The following KAZN variants were observed in gnomAD, a reference collection of about 807,000 sequenced individuals.
The protein encoded by KAZN is kazrin, periplakin interacting protein, also known as kazrin.
A neutral mutation model predicts 87.4 loss-of-function variants in KAZN; 40 were observed. The ratio of observed to expected loss-of-function variants is 0.46; its 90% CI spans 0.36 to 0.60. The LOEUF is 0.60. KAZN is among the 20% of genes least tolerant of loss of function. KAZN has a pLI of 0.00. For synonymous variants in KAZN, 466 were observed against 458.3 expected (o/e 1.02, Z -0.22); for missense variants, 898 against 1,073.9 (o/e 0.84, Z 2.29).
intron 1 of KAZN, among the ~76,000 whole-genome samples, chr1:14,931,212 G>A (rs568380900): frequency 9.7e-4 from 148 of 152,110 alleles, no homozygotes; most frequent in African/African-American, 3.4e-3. Context: ...CGAAGCAGGC[G>A]GAGCACTTGA....
At chr1:14,604,669 C>A (rs936024657) in intron 1 of KAZN, among the ~76,000 whole-genome samples, 1 of 152,212 alleles carries the variant, frequency 6.6e-6, no homozygotes, top group Non-Finnish European at 1.5e-5. Flanking sequence ...CAGGTGGCTG[C>A]TGTGTGGTAC....
intron 2 of KAZN, among the ~76,000 whole-genome samples, chr1:14,363,359 G>A (rs192506448): frequency 1.3e-5 from 2 of 152,090 alleles, no homozygotes; most frequent in Non-Finnish European, 1.5e-5. Flanking sequence ...CAGCCCAGAC[G>A]GAGTGTAGCT....
intron 1 of KAZN, among the ~76,000 whole-genome samples, chr1:14,756,057 C>G (rs1275033460): frequency 6.6e-6 from 1 of 152,166 alleles, no homozygotes; most frequent in Non-Finnish European, 1.5e-5. Flanking sequence ...TCTGCAGACA[C>G]GGTACTTCCT....
intron 1 of KAZN, among the ~76,000 whole-genome samples, chr1:14,043,167 A>G (rs1164414192): frequency 6.6e-6 from 1 of 152,194 alleles, no homozygotes; most frequent in Non-Finnish European, 1.5e-5. Context: ...ATCGTACTAT[A>G]TCTGTCCTTT....
At chr1:14,278,898 T>C (rs1206170577) in intron 2 of KAZN, among the ~76,000 whole-genome samples, 1 of 150,628 alleles carries the variant, frequency 6.6e-6, no homozygotes, top group Non-Finnish European at 1.5e-5. Flanking sequence ...TTGGTGATAG[T>C]TAGACCAAGA....
intron 2 of KAZN, among the ~76,000 whole-genome samples, chr1:14,468,737 A>G (rs1172457411): frequency 1.3e-5 from 2 of 152,140 alleles, no homozygotes; most frequent in Non-Finnish European, 2.9e-5. Context: ...CTGGAAAGTT[A>G]TTTCACCATC....
chr1:13,980,875 G>A (rs1437840132), intron 1 of KAZN, among the ~76,000 whole-genome samples: 2 of 151,574 alleles, frequency 1.3e-5, no homozygotes, highest in Admixed American at 6.6e-5. Flanking sequence ...GCATCTTTCT[G>A]TCTATGTTGT....
At chr1:15,072,343 T>G (rs1639542782) in intron 8 of KAZN, among the ~76,000 whole-genome samples, 1 of 152,246 alleles carries the variant, frequency 6.6e-6, no homozygotes, top group Non-Finnish European at 1.5e-5. Flanking sequence ...TTCCTCCATC[T>G]GCCAGGGTCT....
chr1:14,447,816 T>C (rs1667068245), intron 2 of KAZN, among the ~76,000 whole-genome samples: 1 of 152,098 alleles, frequency 6.6e-6, no homozygotes, highest in Non-Finnish European at 1.5e-5. Flanking sequence ...GTGGATTAGA[T>C]CAGCATTTTG....
chr1:15,026,334 CACAGCTTAACAGCT>C (rs1671157174), intron 2 of KAZN, among the ~76,000 whole-genome samples: 1 of 152,202 alleles, frequency 6.6e-6, no homozygotes, highest in Non-Finnish European at 1.5e-5. Flanking sequence ...GACGATCATG[CACAGCTTAACAGCT>C]GGGGATAGGG....
intron 2 of KAZN, among the ~76,000 whole-genome samples, chr1:14,339,404 CAG>C (rs1436913825): frequency 6.6e-6 from 1 of 152,130 alleles, no homozygotes; most frequent in East Asian, 1.9e-4. Context: ...GAGCATTAGT[CAG>C]AGTTCTCCAG....
At position 14,418,116 on chromosome 1, in the gene KAZN, G is replaced by A. The variant is rs537295933; in HGVS notation, c.250-180867G>A. On this transcript the variant is annotated intron_variant, in intron 2 of 16. Coordinates refer to the KAZN transcript ENST00000636203. Reference sequence around the variant, plus strand: ...GATGATCCATACAGAGTTACCAGTGGAACCACGGCATATCCTGTGGGTCCA... The same window carrying A: ...GATGATCCATACAGAGTTACCAGTGAAACCACGGCATATCCTGTGGGTCCA... Among the ~76,000 whole-genome samples, 6 of 145,204 alleles carry A rather than the reference G, an allele frequency of 4.1e-5. No homozygotes were observed. The South Asian group carries it at 1.2e-3, about 28-fold the overall frequency.
At chr1:14,114,520 G>A (rs1195162685) in intron 1 of KAZN, among the ~76,000 whole-genome samples, 1 of 151,770 alleles carries the variant, frequency 6.6e-6, no homozygotes, top group Non-Finnish European at 1.5e-5. Context: ...CACCGTCGAT[G>A]CCCCCCATAT....
At chr1:13,949,738 C>T (rs1641277826) in intron 1 of KAZN, among the ~76,000 whole-genome samples, 1 of 152,152 alleles carries the variant, frequency 6.6e-6, no homozygotes, top group South Asian at 2.1e-4. Context: ...GTTGTCTTTC[C>T]CAAGGCTGAG....
intron 1 of KAZN, among the ~76,000 whole-genome samples, chr1:14,178,448 C>A (rs1351814786): frequency 2.0e-5 from 3 of 152,186 alleles, no homozygotes; most frequent in Non-Finnish European, 4.4e-5. Context: ...CTTTTCTTCT[C>A]CATTGTCTAA....
rs114283248 is a variant in KAZN, at chr1:14,478,062, C to A, written c.250-120921C>A. Among the ~76,000 whole-genome samples, 786 of 152,316 alleles carry A rather than the reference C, an allele frequency of 5.2e-3. 10 individuals carry two copies. Among genetic ancestry groups the A allele is most frequent in the African/African-American group, 0.018 (746 of 41,580 alleles). On this transcript the variant is annotated intron_variant, in intron 2 of 16. Transcript: ENST00000636203. The stretch of plus-strand genomic sequence containing the variant: ...CAGTCTCACTCACCTCACTCCCACC[C>A]TCATTCTCACTGCCTTGAGCTCACA...
intron 2 of KAZN, among the ~76,000 whole-genome samples, chr1:14,210,168 A>G (rs971965409): frequency 1.3e-5 from 2 of 152,182 alleles, no homozygotes; most frequent in African/African-American, 4.8e-5. Context: ...GTGGGAGGTA[A>G]TTGAATCATA....
intron 2 of KAZN, among the ~76,000 whole-genome samples, chr1:14,415,798 C>T (rs1664706640): frequency 6.6e-6 from 1 of 152,104 alleles, no homozygotes; most frequent in Non-Finnish European, 1.5e-5. Context: ...AGTATTAGCC[C>T]CGCTTCCCCC....
intron 1 of KAZN, among the ~76,000 whole-genome samples, chr1:13,930,145 G>A (rs867312353): frequency 1.2e-4 from 19 of 152,296 alleles, no homozygotes; most frequent in Middle Eastern, 3.4e-3. Flanking sequence ...TCTTCCTACC[G>A]ATTGATGTTG....
Sources: gnomAD v4.1 joint callset for allele counts (sites outside exome capture counted in the v4.1 genomes callset) on GRCh38, gnomAD v4.1.1 for gene constraint, MANE v1.5 for transcripts, NCBI Gene and HGNC (gene_info 2026-07-23, HGNC 2026-07-21) for gene names.